Variants in GPBP1 observed in about 807,000 individuals in gnomAD.
GPBP1 encodes vasculin.
Under a neutral mutation model 56.5 loss-of-function variants are expected in GPBP1, and 13 were observed. The ratio of observed to expected loss-of-function variants is 0.23; its 90% CI spans 0.15 to 0.37. The LOEUF (loss-of-function observed/expected upper bound fraction) is 0.37. Ranked by LOEUF, GPBP1 falls within the 10% of genes least tolerant of loss-of-function variation. The pLI is 1.00. For synonymous variants in GPBP1, 204 were observed against 188.9 expected (o/e 1.08, Z -0.66); for missense variants, 477 against 572.3 (o/e 0.83, Z 1.70).
At chr5:57,252,140 C>A (rs1741422709) in intron 10 of GPBP1, among the ~76,000 whole-genome samples, 1 of 142,230 alleles carries the variant, frequency 7.0e-6, no homozygotes, top group African/African-American at 2.6e-5. Context: ...CCCCCACCCC[C>A]ACCCCCACAG....
chr5:57,214,185 T>C lies in GPBP1; in HGVS notation c.55T>C (p.Ser19Pro), dbSNP rs1190389514. 1 of 1,611,736 alleles carries C rather than the reference T, an allele frequency of 6.2e-7. No homozygotes were observed. Among genetic ancestry groups the C allele is most frequent in the Admixed American group, 1.7e-5 (1 of 60,012 alleles). ...GCTTAATTTCCCTACTCCACCATCA[T>C]CAACAAAGGTACTCTTTCTGCATCT... ...AWLNFPTPPS[S>P]TKSSLNFEKH... is the part of the protein sequence containing the mutation. The change falls in exon 3 of 12, where the codon TCA becomes CCA. Residue 19 changes from serine to proline, a missense_variant. By Grantham distance (74) the Ser-to-Pro change is moderately conservative (BLOSUM62 -1). Transcript: ENST00000506184.
chr5:57,199,538 T>A (rs1013441667), intron 2 of GPBP1, among the ~76,000 whole-genome samples: 8 of 150,976 alleles, frequency 5.3e-5, no homozygotes, highest in East Asian at 1.9e-4. Context: ...TCTTTTCTTT[T>A]TATATATATA....
chr5:57,205,406 T>C (rs1755190275), intron 2 of GPBP1, among the ~76,000 whole-genome samples: 1 of 152,198 alleles, frequency 6.6e-6, no homozygotes, highest in African/African-American at 2.4e-5. Flanking sequence ...TTGAGCATCC[T>C]TTCTCAATTC....
chr5:57,176,097 G>A lies in GPBP1; in HGVS notation c.-361G>A, dbSNP rs1343478971. 2 of 397,966 alleles carry A rather than the reference G, an allele frequency of 5.0e-6. No homozygotes were observed. Among genetic ancestry groups the A allele is most frequent in the East Asian group, 3.6e-5 (1 of 28,046 alleles). The allele number at this position is 397,966 out of a possible 1,614,324, so 24.7% of individuals were successfully genotyped here. A position where few individuals can be genotyped will look rare whatever the true frequency, so the allele number is the denominator to read the frequency against. ...ATTTTCTTTTTGTTTTTGCTTTTTGGCTCGTAAATTGGATATTTCATCTGG... is the reference window on the plus strand; with the variant it reads ...ATTTTCTTTTTGTTTTTGCTTTTTGACTCGTAAATTGGATATTTCATCTGG... On this transcript the variant is annotated 5_prime_UTR_variant, in exon 2 of 12. Transcript: ENST00000506184.
intron 6 of GPBP1, among the ~76,000 whole-genome samples, chr5:57,242,642 A>G (rs925448993): frequency 2.2e-4 from 33 of 152,152 alleles, no homozygotes; most frequent in African/African-American, 6.7e-4. Flanking sequence ...ATGATGTCTC[A>G]TTATGTTGCC....
chr5:57,230,992 GT>G (rs3214438), intron 4 of GPBP1, 23 bp downstream of exon 4: 439,774 of 1,588,978 alleles, frequency 0.28, 66,577 homozygotes, highest in East Asian at 0.7. Context: ...AAGGAATGAT[GT>G]TTATGGCTAA....
intron 2 of GPBP1, among the ~76,000 whole-genome samples, chr5:57,190,189 A>T (rs1267211383): frequency 1.3e-5 from 2 of 149,302 alleles, no homozygotes; most frequent in Non-Finnish European, 2.9e-5. Context: ...GATTGGGTGT[A>T]TATGGTTGTT....
intron 3 of GPBP1, among the ~76,000 whole-genome samples, chr5:57,215,203 T>C (rs1055183358): frequency 6.6e-6 from 1 of 152,244 alleles, no homozygotes; most frequent in Admixed American, 6.5e-5. Context: ...CTGAACATTA[T>C]CTAATTTGTT....
chr5:57,232,673 T>C (rs548617962), intron 5 of GPBP1, among the ~76,000 whole-genome samples: 1 of 152,332 alleles, frequency 6.6e-6, no homozygotes, highest in Admixed American at 6.5e-5. Context: ...TTCCAGCCAA[T>C]AGAAACTGGA....
chr5:57,231,243 T>A lies in GPBP1; in HGVS notation c.333T>A (p.His111Gln), dbSNP rs752798244. Residue 111 changes from histidine to glutamine, a missense_variant, in exon 5 of 12, where the codon CAT (histidine) becomes CAA (glutamine). Around this residue, in one of 2 missense-constraint regions of GPBP1, gnomAD observed 414 missense variants for 458.2 expected, o/e 0.90. Coordinates refer to ENST00000506184, the MANE Select transcript of GPBP1 (RefSeq NM_022913.4). ...ATGCAGGAAAAAGCCAAGGACTACA[T>A]GAAAACAACATACCTGACAATGAAA... ...IFHAGKSQGL[H>Q]ENNIPDNETG... 2 of 1,614,088 alleles carry A rather than the reference T, an allele frequency of 1.2e-6. No individual in the cohort carries two copies. The highest frequency in any genetic ancestry group is 3.3e-5 in the Admixed American group (2 of 60,008).
intron 10 of GPBP1, among the ~76,000 whole-genome samples, chr5:57,256,457 T>C (rs1330832867): frequency 2.0e-5 from 3 of 152,130 alleles, no homozygotes; most frequent in South Asian, 2.1e-4. Context: ...GTGGATACTT[T>C]TCTTTTATAT....
At chr5:57,193,139 A>G (rs1389987628) in intron 2 of GPBP1, among the ~76,000 whole-genome samples, 1 of 152,164 alleles carries the variant, frequency 6.6e-6, no homozygotes, top group African/African-American at 2.4e-5. Flanking sequence ...CAACATGGTG[A>G]AACCCTGTCT....
In GPBP1 at chr5:57,230,830, T is replaced by G; in HGVS notation, c.64-16T>G. The G allele has an allele frequency of 6.3e-7, 1 of 1,590,844 alleles. No homozygotes were observed. The highest frequency in any genetic ancestry group is 8.6e-7 in the Non-Finnish European group (1 of 1,168,546). Reference sequence around the variant, plus strand: ...TTAGGTTTCATAAATACCTGTATTTTTATAATTTGTTTCAGTCGTCATTGA... The same window carrying G: ...TTAGGTTTCATAAATACCTGTATTTGTATAATTTGTTTCAGTCGTCATTGA... On this transcript the variant is annotated splice_polypyrimidine_tract_variant and intron_variant, in intron 3 of 11. Transcript: ENST00000506184.
intron 2 of GPBP1, among the ~76,000 whole-genome samples, chr5:57,197,811 GT>G (rs199815768): frequency 3.1e-4 from 46 of 150,498 alleles, no homozygotes; most frequent in Middle Eastern, 3.5e-3. Flanking sequence ...TTTATTCATA[GT>G]TTTTTTTTAA....
chr5:57,229,287 A>T (rs189756819), intron 3 of GPBP1, among the ~76,000 whole-genome samples: 2 of 143,290 alleles, frequency 1.4e-5, no homozygotes, highest in African/African-American at 5.2e-5. Context: ...TGTCTTCTCA[A>T]CCCTTACTGT....
At chr5:57,192,146 C>T (rs1754555132) in intron 2 of GPBP1, among the ~76,000 whole-genome samples, 2 of 152,252 alleles carry the variant, frequency 1.3e-5, no homozygotes, top group South Asian at 2.1e-4. Flanking sequence ...GGTGAGTATC[C>T]TCAGGAGAGT....
At position 57,179,347 on chromosome 5, in the gene GPBP1, TTGTG is replaced by T. The variant is rs57689384; in HGVS notation, c.-58+2961_-58+2964del. Among the ~76,000 whole-genome samples the T allele has an allele frequency of 4.1e-4, 62 of 149,474 alleles. 1 individual carries two copies. Among genetic ancestry groups the T allele is most frequent in the African/African-American group, 1.2e-4 (5 of 41,114 alleles). ...GGGTGATACCTTTGGTTAGCTAAAA[TTGTG>T]TGTGTGTGTGTGTTTGAGACAGGGT... On this transcript the variant is annotated intron_variant, in intron 2 of 11. Coordinates refer to ENST00000506184, the MANE Select transcript of GPBP1 (RefSeq NM_022913.4).
At chr5:57,254,528 C>G (rs1333454351) in intron 10 of GPBP1, among the ~76,000 whole-genome samples, 1 of 152,034 alleles carries the variant, frequency 6.6e-6, no homozygotes, top group Non-Finnish European at 1.5e-5. Context: ...AACCCTGTCT[C>G]TACTGAAAAT....
At chr5:57,249,642 T>C (rs1426266062) in intron 9 of GPBP1, 66 bp downstream of exon 9, 34 of 1,300,752 alleles carry the variant, frequency 2.6e-5, no homozygotes, top group Non-Finnish European at 3.6e-5. Context: ...GAGCATGTAT[T>C]AGGACCTTGG....
Sources: allele counts gnomAD v4.1 joint callset (sites outside exome capture counted in the v4.1 genomes callset), GRCh38; gene constraint gnomAD v4.1.1; regional missense constraint gnomAD v4.1.1; transcripts MANE v1.5; gene names NCBI Gene and HGNC (gene_info 2026-07-23, HGNC 2026-07-21).